The following KIRREL2 variants were observed in gnomAD, a reference collection of about 807,000 sequenced individuals.
KIRREL2 encodes kirre like nephrin family adhesion molecule 2.
In KIRREL2, 56 loss-of-function variants were observed where a neutral mutation model predicts 73.4. The observed-to-expected ratio is 0.76, with a 90% CI of 0.62 to 0.95. The LOEUF (loss-of-function observed/expected upper bound fraction) is 0.95. Ranked by LOEUF, KIRREL2 falls within the 40% of genes least tolerant of loss-of-function variation. The pLI is 0.00. For synonymous variants in KIRREL2, 407 were observed against 404.0 expected, an observed-to-expected ratio of 1.01 and a Z score of -0.09; for missense variants, 896 against 935.0, an observed-to-expected ratio of 0.96 and a Z score of 0.54.
Position 35,862,914 on chromosome 19 carries a change from C to A in KIRREL2, c.1616-13C>A. 1.3e-6 allele frequency: 2 copies of A among 1,515,410 alleles called. No individual in the cohort carries two copies. Among genetic ancestry groups the A allele is most frequent in the South Asian group, 2.4e-5 (2 of 83,428 alleles). The allele number at this position is 1,515,410 out of a possible 1,614,324, so 93.9% of individuals were successfully genotyped here. On this transcript the variant is annotated splice_polypyrimidine_tract_variant and intron_variant, in intron 12 of 14. Coordinates refer to ENST00000360202, the MANE Select transcript of KIRREL2 (RefSeq NM_199180.4). Reference sequence around the variant, plus strand: ...CCGCCCATCGCTTAACTCCACCGGTCGCTGTTTGTCAGCCTCAGCCTCTTT... The same window carrying A: ...CCGCCCATCGCTTAACTCCACCGGTAGCTGTTTGTCAGCCTCAGCCTCTTT...
rs142067381 is a variant in KIRREL2 at position 35,858,498 on chromosome 19, A to G, written c.302A>G (p.Tyr101Cys). The change falls in exon 3 of 15, where the codon TAT becomes TGT. Residue 101 changes from tyrosine to cysteine, a missense_variant. Tyr to Cys is a radical substitution (Grantham distance 194). Coordinates refer to ENST00000360202, the MANE Select transcript of KIRREL2 (RefSeq NM_199180.4). ...RPVELEDEAS[Y>C]ECQATQAGLR... ...GTGGAGCTAGAGGATGAAGCATCAT[A>G]TGAATGTCAGGCTACACAAGCAGGC... is the stretch of plus-strand genomic sequence containing the variant. The G allele has an allele frequency of 2.5e-6, 4 of 1,614,066 alleles. No individual in the cohort carries two copies. The highest frequency in any genetic ancestry group is 2.7e-5 in the African/African-American group (2 of 74,912).
upstream of KIRREL2, among the ~76,000 whole-genome samples, chr19:35,854,207 G>T (rs1413720724): frequency 4.6e-5 from 7 of 152,100 alleles, no homozygotes; most frequent in East Asian, 1.9e-4. Context: ...GCCCAGGCTT[G>T]TCTGGAACTC....
At chr19:35,861,290 T>C in intron 9 of KIRREL2, 36 bp downstream of exon 9, 1 of 1,513,090 alleles carries the variant, frequency 6.6e-7, no homozygotes, top group Non-Finnish European at 8.8e-7. Context: ...ACCTGGCCCG[T>C]CCTGGGATAG....
chr19:35,866,635 G>A lies in KIRREL2; in HGVS notation c.*143G>A. ...GGAAAGATCATTACATTTGTCAGGA[G>A]CATTTGTATACAGTCAGCTCAGCCA... On this transcript the variant is annotated 3_prime_UTR_variant, in exon 15 of 15. Transcript: ENST00000360202. 7.8e-7 allele frequency: 1 copy of A among 1,285,372 alleles called. No homozygotes were observed. Among genetic ancestry groups the A allele is most frequent in the East Asian group, 2.3e-5 (1 of 43,138 alleles). 79.6% of individuals were successfully genotyped at this position (1,285,372 alleles called of 1,614,324 possible).
chr19:35,857,166 T>C lies in KIRREL2; in HGVS notation c.47T>C (p.Phe16Ser), dbSNP rs1183487898. 6.2e-7 allele frequency: 1 copy of C among 1,601,200 alleles called. No homozygotes were observed. Among genetic ancestry groups the C allele is most frequent in the Non-Finnish European group, 8.5e-7 (1 of 1,178,016 alleles). ...VPALLVLLFCFRGRAGPSPHF... is the reference protein window; with the variant it reads ...VPALLVLLFCSRGRAGPSPHF... ...GCCCTCCTCGTCCTCCTCTTCTGCTTCAGAGGGAGAGCAGGTACCGCACGA... is the reference window on the plus strand; with the variant it reads ...GCCCTCCTCGTCCTCCTCTTCTGCTCCAGAGGGAGAGCAGGTACCGCACGA... Residue 16 changes from phenylalanine to serine, a missense_variant, in exon 1 of 15, where the codon TTC becomes TCC. Transcript: ENST00000360202.
chr19:35,857,037 A>G lies in KIRREL2; in HGVS notation c.-83A>G, dbSNP rs1973448126. 4.3e-6 allele frequency: 6 copies of G among 1,408,558 alleles called. No homozygotes were observed. In the South Asian group the frequency reaches 5.8e-5, roughly 14 times the overall value. The allele number at this position is 1,408,558 out of a possible 1,614,324, so 87.3% of individuals were successfully genotyped here. ...TCGAGCGTGAAGGGGGCTCCGGGCC[A>G]GGGTGACAGGAGGCGTGCTTGAGAG... On this transcript the variant is annotated 5_prime_UTR_variant, in exon 1 of 15. Transcript: ENST00000360202.
upstream of KIRREL2, chr19:35,851,656 C>A (rs774473854): frequency 1.2e-6 from 2 of 1,612,902 alleles, no homozygotes; most frequent in African/African-American, 2.7e-5. Context: ...AGGCAGGAAT[C>A]GCCAACTGCG....
intron 12 of KIRREL2, 89 bp from the exon 13 acceptor site, chr19:35,862,838 T>C: frequency 1.2e-6 from 1 of 811,558 alleles, no homozygotes; most frequent in Non-Finnish European, 2.1e-6. Flanking sequence ...TCAGCCTCAT[T>C]GGTTCCCAGT....
At position 35,861,444 on chromosome 19, in the gene KIRREL2, G is replaced by T. The variant is rs535750777; in HGVS notation, c.1190-97G>T. 7 of 1,458,958 alleles carry T rather than the reference G, an allele frequency of 4.8e-6. No homozygotes were observed. In the South Asian group the frequency reaches 8.4e-5, roughly 18 times the overall value. The allele number at this position is 1,458,958 out of a possible 1,614,324, so 90.4% of individuals were successfully genotyped here. ...TGGAGGCGGCGTGGCCTGATTGATT[G>T]AGGTTAGCGGAGAGTGCGCTGGACA... On this transcript the variant is annotated intron_variant, in intron 9 of 14. Coordinates refer to ENST00000360202, the MANE Select transcript of KIRREL2 (RefSeq NM_199180.4).
intron 11 of KIRREL2, 21 bp downstream of exon 11, chr19:35,862,045 C>G (rs1377492865): frequency 6.3e-7 from 1 of 1,586,170 alleles, no homozygotes; most frequent in Admixed American, 1.8e-5. Context: ...AGCCCGAAGA[C>G]CCCAAATCTG....
Position 35,860,924 on chromosome 19 carries a change from A to T in KIRREL2, c.944A>T (p.Gln315Leu). The change falls in exon 8 of 15, where the codon CAG becomes CTG. Residue 315 changes from glutamine (Q) to leucine (L), a missense_variant. Transcript: ENST00000360202. ...ALDVLFGPIL[Q>L]AKPEPVSVDV... Reference sequence around the variant, plus strand: ...TTTCGTCCAGTTGGGCCGATTCTGCAGGCAAAGCCGGAGCCCGTGTCCGTG... The same window carrying T: ...TTTCGTCCAGTTGGGCCGATTCTGCTGGCAAAGCCGGAGCCCGTGTCCGTG... 1 of 1,613,862 alleles carries T rather than the reference A, an allele frequency of 6.2e-7. No individual in the cohort carries two copies. The highest frequency in any genetic ancestry group is 8.5e-7 in the Non-Finnish European group (1 of 1,179,942).
Position 35,866,314 on chromosome 19 carries a change from C to A in KIRREL2, c.1949C>A (p.Pro650His). ...YDFNPHLGMVPPCRLYRARAG... is the reference protein window; with the variant it reads ...YDFNPHLGMVHPCRLYRARAG... Reference sequence around the variant, plus strand: ...TTCAACCCACACCTGGGCATGGTCCCCCCCTGCAGACTTTACAGAGCCAGG... The same window carrying A: ...TTCAACCCACACCTGGGCATGGTCCACCCCTGCAGACTTTACAGAGCCAGG... The change falls in exon 15 of 15, where the codon CCC becomes CAC. Residue 650 changes from proline (P) to histidine (H), a missense_variant. By Grantham distance (77) the Pro-to-His change is moderately conservative. Transcript: ENST00000360202. 6.2e-7 allele frequency: 1 copy of A among 1,611,680 alleles called. No homozygotes were observed. The highest frequency in any genetic ancestry group is 1.1e-5 in the South Asian group (1 of 91,020).
In KIRREL2 at chr19:35,860,410, C is replaced by T. The variant is rs756304802; in HGVS notation, c.779+8C>T. ...TCCTGTCACAGGCTACAGGTGAGGA[C>T]GAAGACCCACCTCTCCCCAGCCCCA... On this transcript the variant is annotated splice_region_variant and intron_variant, in intron 6 of 14. Transcript: ENST00000360202. 42 of 1,611,346 alleles carry T rather than the reference C, an allele frequency of 2.6e-5. No homozygotes were observed. In the East Asian group the frequency reaches 6.5e-4, roughly 25 times the overall value.
chr19:35,859,985 C>T (rs532314813), intron 5 of KIRREL2, among the ~76,000 whole-genome samples: 5 of 152,208 alleles, frequency 3.3e-5, no homozygotes, highest in East Asian at 1.9e-4. Flanking sequence ...GCAGATGTTG[C>T]GGTGAGCCGA....
Position 35,859,482 on chromosome 19 carries a change from C to T in KIRREL2, c.524C>T (p.Thr175Ile), listed in dbSNP as rs747272049. Reference protein sequence around the residue: ...VLLDGATFHQTLLKEGTPGSV... With the variant: ...VLLDGATFHQILLKEGTPGSV... ...TATTATTCTTATCCTTCCCTCCAGA[C>T]CCTGCTGAAGGAAGGGACCCCTGGG... is the stretch of plus-strand genomic sequence containing the variant. Residue 175 changes from threonine to isoleucine, a missense_variant and splice_region_variant, in exon 5 of 15, where the codon ACC becomes ATC. By Grantham distance (89) the Thr-to-Ile change is moderately conservative. Coordinates refer to ENST00000360202, the MANE Select transcript of KIRREL2 (RefSeq NM_199180.4). 6.2e-6 allele frequency: 10 copies of T among 1,613,726 alleles called. No homozygotes were observed. The highest frequency in any genetic ancestry group is 4.2e-6 in the Non-Finnish European group (5 of 1,179,750).
rs1041915549 is a variant in KIRREL2 at position 35,862,553 on chromosome 19, T to G, written c.1571T>G (p.Met524Arg). 58 of 1,610,400 alleles carry G rather than the reference T, an allele frequency of 3.6e-5. No homozygotes were observed. Among genetic ancestry groups the G allele is most frequent in the Non-Finnish European group, 4.8e-5 (57 of 1,180,002 alleles). Residue 524 changes from methionine (M) to arginine (R), a missense_variant, in exon 12 of 15, where the codon ATG (methionine) becomes AGG (arginine). Physicochemically the swap from Met to Arg is moderately conservative, Grantham distance 91. Coordinates refer to ENST00000360202, the MANE Select transcript of KIRREL2 (RefSeq NM_199180.4). ...GCCGCTGCCACCACAACTCTCCTTATGGTCATCACTGGGGTGGCCCTCTGC... is the reference window on the plus strand; with the variant it reads ...GCCGCTGCCACCACAACTCTCCTTAGGGTCATCACTGGGGTGGCCCTCTGC... ...GVAAATTTLLMVITGVALCCW... is the reference protein window; with the variant it reads ...GVAAATTTLLRVITGVALCCW...
chr19:35,862,490 C>A lies in KIRREL2; in HGVS notation c.1511-3C>A. On this transcript the variant is annotated splice_region_variant and splice_polypyrimidine_tract_variant and intron_variant, in intron 11 of 14. Coordinates refer to ENST00000360202, the MANE Select transcript of KIRREL2 (RefSeq NM_199180.4). ...CTCAGGATGTCCCCTCTGCTCCCTG[C>A]AGACTTGCTGCCCACTGTGCGGATA... 2 of 1,607,352 alleles carry A rather than the reference C, an allele frequency of 1.2e-6. No homozygotes were observed. Among genetic ancestry groups the A allele is most frequent in the Non-Finnish European group, 1.7e-6 (2 of 1,178,756 alleles).
Position 35,858,551 on chromosome 19 carries a change from G to T in KIRREL2, c.355G>T (p.Val119Leu). 6.2e-7 allele frequency: 1 copy of T among 1,614,124 alleles called. No homozygotes were observed. The highest frequency in any genetic ancestry group is 2.2e-5 in the East Asian group (1 of 44,892). The part of the protein sequence containing the change: ...GLRSRPAQLH[V>L]LVPPEAPQVL... The stretch of plus-strand genomic sequence containing the variant: ...CCGCTCCAGACCAGCCCAACTGCAC[G>T]TGCTGGGTAAGGACCTCGCCCACTT... The change falls in exon 3 of 15, where the codon GTG (valine) becomes TTG (leucine). Residue 119 changes from valine to leucine, a missense_variant. Val to Leu is a conservative substitution (Grantham distance 32, BLOSUM62 1). Coordinates refer to ENST00000360202, the MANE Select transcript of KIRREL2 (RefSeq NM_199180.4).
chr19:35,865,299 C>A (rs1424285495), intron 14 of KIRREL2, among the ~76,000 whole-genome samples: 1 of 151,052 alleles, frequency 6.6e-6, no homozygotes, highest in African/African-American at 2.4e-5. Context: ...CCTCAGGCTC[C>A]CTAATAGCTG....
Sources: allele counts gnomAD v4.1 joint callset (sites outside exome capture counted in the v4.1 genomes callset), GRCh38; gene constraint gnomAD v4.1.1; transcripts MANE v1.5; gene names NCBI Gene and HGNC (gene_info 2026-07-23, HGNC 2026-07-21).